The following CSMD1 variants were observed in gnomAD, a reference collection of about 807,000 sequenced individuals.
The protein encoded by CSMD1 is CUB and sushi domain-containing protein 1.
In CSMD1, 213 loss-of-function variants were observed where a neutral mutation model predicts 417.5. The observed-to-expected ratio is 0.51, with a 90% CI of 0.46 to 0.57. The LOEUF is 0.57. Ranked by LOEUF, CSMD1 falls within the 20% of genes least tolerant of loss-of-function variation. The pLI is 0.00. For synonymous variants in CSMD1, 2,862 were observed against 1,736.8 expected (o/e 1.65, Z -16.11); for missense variants, 6,923 against 4,529.7 (o/e 1.53, Z -15.17).
intron 40 of CSMD1, among the ~76,000 whole-genome samples, chr8:3,149,499 G>A (rs886155157): frequency 6.6e-6 from 1 of 152,040 alleles, no homozygotes; most frequent in East Asian, 1.9e-4. Context: ...TACTTATTGA[G>A]ACAGAGTCTC....
chr8:2,966,687 T>C lies in CSMD1; in HGVS notation c.8983A>G (p.Ile2995Val). The change falls in exon 58 of 70, where the codon ATT (isoleucine) becomes GTT (valine). Residue 2995 changes from isoleucine (I) to valine (V), a missense_variant. Transcript: ENST00000635120. ...TNGMIVSSDG[I>V]LFSSSVIYAC... ...TAGATGACCGAGCTGGAGAACAGAATGCCATCACTACTGACAATCATTCCG... is the reference window on the plus strand; with the variant it reads ...TAGATGACCGAGCTGGAGAACAGAACGCCATCACTACTGACAATCATTCCG... 6.2e-7 allele frequency: 1 copy of C among 1,613,830 alleles called. No homozygotes were observed.
chr8:3,708,450 G>A lies in CSMD1; in HGVS notation c.973C>T (p.Leu325=), dbSNP rs1437373756. 2 of 1,613,810 alleles carry A rather than the reference G, an allele frequency of 1.2e-6. No homozygotes were observed. Among genetic ancestry groups the A allele is most frequent in the Non-Finnish European group, 1.7e-6 (2 of 1,179,864 alleles). ...IELKSRGVKM[L]PSKDGSHKNS... ...TTATGGCTTCCATCCTTGCTGGGCA[G>A]CATCTTGACTCCTCTTGACTTCAAC... Residue 325 remains leucine (L), a synonymous_variant, in exon 7 of 70, where the codon CTG becomes TTG. Coordinates refer to ENST00000635120, the MANE Select transcript of CSMD1 (RefSeq NM_033225.6).
At chr8:3,496,279 C>T (rs1585252818) in intron 10 of CSMD1, among the ~76,000 whole-genome samples, 1 of 152,302 alleles carries the variant, frequency 6.6e-6, no homozygotes, top group South Asian at 2.1e-4. Context: ...CTGCCTATCC[C>T]CTTCATAACA....
intron 1 of CSMD1, among the ~76,000 whole-genome samples, chr8:4,762,631 G>C (rs925087767): frequency 2.0e-5 from 3 of 152,032 alleles, no homozygotes; most frequent in Non-Finnish European, 4.4e-5. Flanking sequence ...CATTTGCATA[G>C]GACGCAGCGT....
At chr8:4,028,050 G>A (rs369135718) in intron 4 of CSMD1, among the ~76,000 whole-genome samples, 4 of 151,976 alleles carry the variant, frequency 2.6e-5, no homozygotes, top group East Asian at 3.9e-4. Flanking sequence ...AGGTTTTGAG[G>A]CCACCACTGT....
chr8:4,611,818 C>G (rs938748491), intron 2 of CSMD1, among the ~76,000 whole-genome samples: 4 of 152,120 alleles, frequency 2.6e-5, no homozygotes, highest in African/African-American at 9.7e-5. Context: ...GCGAATTTAA[C>G]CTCAGCTTAA....
At chr8:3,566,854 G>A (rs1463440463) in intron 10 of CSMD1, among the ~76,000 whole-genome samples, 2 of 152,154 alleles carry the variant, frequency 1.3e-5, no homozygotes, top group African/African-American at 2.4e-5. Context: ...GTTAACCTTT[G>A]TGGAAGGCAG....
At chr8:3,681,442 G>A (rs921061677) in intron 7 of CSMD1, among the ~76,000 whole-genome samples, 3 of 152,104 alleles carry the variant, frequency 2.0e-5, no homozygotes, top group African/African-American at 7.2e-5. Context: ...ATTGACAATT[G>A]TTTCAAAGAG....
At chr8:4,213,902 G>T (rs1377822280) in intron 3 of CSMD1, among the ~76,000 whole-genome samples, 8 of 152,214 alleles carry the variant, frequency 5.3e-5, no homozygotes, top group African/African-American at 1.9e-4. Flanking sequence ...ACTAATGAAT[G>T]AATGGAGGGA....
chr8:4,583,502 G>C (rs1454148251), intron 2 of CSMD1, among the ~76,000 whole-genome samples: 1 of 151,900 alleles, frequency 6.6e-6, no homozygotes, highest in African/African-American at 2.4e-5. Flanking sequence ...CTCAGGGATT[G>C]TAAATACACC....
At chr8:4,113,478 C>A (rs1221015948) in intron 3 of CSMD1, among the ~76,000 whole-genome samples, 1 of 142,046 alleles carries the variant, frequency 7.0e-6, no homozygotes, top group Middle Eastern at 3.8e-3. Flanking sequence ...AATCTTGGCT[C>A]ACTGCAACCT....
rs114728111 is a variant in CSMD1, at chr8:4,037,292, G to C, written c.416-5193C>G. Among the ~76,000 whole-genome samples, 216 of 152,222 alleles carry C rather than the reference G, an allele frequency of 1.4e-3. 1 individual carries two copies. Among genetic ancestry groups the C allele is most frequent in the African/African-American group, 4.4e-3 (182 of 41,536 alleles). ...ATTAACCTGTGGGAAAATTGGTCTT[G>C]TCTTACATTGTTTTGCTTAGAGCCA... On this transcript the variant is annotated intron_variant, in intron 3 of 69. Coordinates refer to ENST00000635120, the MANE Select transcript of CSMD1 (RefSeq NM_033225.6).
At chr8:4,886,616 G>A (rs1281047938) in intron 1 of CSMD1, among the ~76,000 whole-genome samples, 1 of 151,914 alleles carries the variant, frequency 6.6e-6, no homozygotes, top group East Asian at 1.9e-4. Context: ...CAGTAAAACT[G>A]TGATGCCTGG....
At chr8:4,918,612 G>A (rs1000907027) in intron 1 of CSMD1, among the ~76,000 whole-genome samples, 2 of 152,170 alleles carry the variant, frequency 1.3e-5, no homozygotes, top group African/African-American at 4.8e-5. Context: ...AAAAGTGATA[G>A]CTGAATCACG....
intron 1 of CSMD1, among the ~76,000 whole-genome samples, chr8:4,917,060 C>G (rs1388083821): frequency 6.6e-6 from 1 of 152,142 alleles, no homozygotes; most frequent in African/African-American, 2.4e-5. Context: ...TTAATTGGCT[C>G]AGGTTCGGTA....
chr8:3,640,110 C>A (rs1444912901), intron 7 of CSMD1, among the ~76,000 whole-genome samples: 1 of 151,580 alleles, frequency 6.6e-6, no homozygotes, highest in East Asian at 1.9e-4. Flanking sequence ...ATGTAGAGGT[C>A]CTTTTTTCCA....
intron 1 of CSMD1, among the ~76,000 whole-genome samples, chr8:4,671,256 T>C (rs568961804): frequency 6.6e-6 from 1 of 152,332 alleles, no homozygotes; most frequent in South Asian, 2.1e-4. Context: ...GATAATTTCT[T>C]GGTGACTATT....
At chr8:3,878,498 T>C (rs960287231) in intron 5 of CSMD1, among the ~76,000 whole-genome samples, 2 of 152,088 alleles carry the variant, frequency 1.3e-5, no homozygotes, top group African/African-American at 2.4e-5. Flanking sequence ...GAACACAAGC[T>C]AGCTTTTTAA....
At chr8:4,403,600 T>G (rs1415299511) in intron 3 of CSMD1, among the ~76,000 whole-genome samples, 1 of 152,168 alleles carries the variant, frequency 6.6e-6, no homozygotes, top group Non-Finnish European at 1.5e-5. Context: ...TACACACTCC[T>G]AAGAACTCCC....
Sources: gnomAD v4.1 joint callset for allele counts (sites outside exome capture counted in the v4.1 genomes callset) on GRCh38, gnomAD v4.1.1 for gene constraint, MANE v1.5 for transcripts, NCBI Gene and HGNC (gene_info 2026-07-23, HGNC 2026-07-21) for gene names.